SPDYE5: variants seen among roughly 807,000 people sequenced by gnomAD.
The protein encoded by SPDYE5 is speedy/RINGO cell cycle regulator family member E5.
Under a neutral mutation model 48.5 loss-of-function variants are expected in SPDYE5, and 15 were observed. That is an observed-to-expected ratio of 0.31 (90% CI 0.21 to 0.48). SPDYE5 has a LOEUF of 0.48. Ranked by LOEUF, SPDYE5 falls within the 20% of genes least tolerant of loss-of-function variation. The probability of loss-of-function intolerance (pLI) is 0.99; values close to 1 mark genes in which losing one functional copy is unlikely to be tolerated. For synonymous variants in SPDYE5, 116 were observed against 200.7 expected (o/e 0.58, Z 3.57); for missense variants, 331 against 549.1 (o/e 0.60, Z 3.97).
intron 6 of SPDYE5, among the ~76,000 whole-genome samples, chr7:75,500,737 C>T (rs1554483293): frequency 6.6e-6 from 1 of 152,174 alleles, no homozygotes; most frequent in Non-Finnish European, 1.5e-5. Flanking sequence ...GAGATAGAGT[C>T]TTGCTCTGCC....
chr7:75,500,874 A>G (rs1410625756), intron 6 of SPDYE5, among the ~76,000 whole-genome samples: 1 of 151,870 alleles, frequency 6.6e-6, no homozygotes, highest in Non-Finnish European at 1.5e-5. Context: ...CACCAGGCTG[A>G]TTTTTGTATT....
Position 75,504,254 on chromosome 7 carries a change from A to G in SPDYE5, c.*1467A>G, listed in dbSNP as rs1554484040. The G allele has an allele frequency of 2.0e-5, 3 of 151,926 alleles. No homozygotes were observed. The allele number at this position is 151,926 out of a possible 1,614,324, so 9.4% of individuals were successfully genotyped here. On this transcript the variant is annotated 3_prime_UTR_variant, in exon 9 of 9. Transcript: ENST00000625065. ...AGCTGTGTGTTTTCAAGAGAACAAT[A>G]GAGTGCGTCTCTTGGGGAAACATAA...
At chr7:75,494,519 A>ACC (rs1792853451) in intron 2 of SPDYE5, among the ~76,000 whole-genome samples, 1 of 137,084 alleles carries the variant, frequency 7.3e-6, no homozygotes, top group East Asian at 2.0e-4. Flanking sequence ...TGCACTCCAA[A>ACC]AAAAAAAAAA....
chr7:75,504,029 G>T lies in SPDYE5; in HGVS notation c.*1242G>T, dbSNP rs1354089181. 7.9e-5 allele frequency: 12 copies of T among 151,874 alleles called. No homozygotes were observed. The highest frequency in any genetic ancestry group is 7.9e-4 in the Admixed American group (12 of 15,238). The allele number at this position is 151,874 out of a possible 1,614,324, so 9.4% of individuals were successfully genotyped here. ...TACACGTGTTGCTGAAGGGAGCATG[G>T]TTTTTATCTGTGATACTTAGTTAAC... On this transcript the variant is annotated 3_prime_UTR_variant, in exon 9 of 9. Coordinates refer to ENST00000625065, the MANE Select transcript of SPDYE5 (RefSeq NM_001306141.4).
chr7:75,495,481 G>GCT, intron 3 of SPDYE5, 107 bp downstream of exon 3: 1 of 1,548,192 alleles, frequency 6.5e-7, no homozygotes. Context: ...CCGTGGGTGA[G>GCT]CTCTCCACGC....
At position 75,494,169 on chromosome 7, in the gene SPDYE5, T is replaced by C; in HGVS notation, c.122T>C (p.Leu41Pro). The C allele has an allele frequency of 1.3e-6, 2 of 1,534,908 alleles. No homozygotes were observed. The highest frequency in any genetic ancestry group is 1.7e-6 in the Non-Finnish European group (2 of 1,146,676). Residue 41 changes from leucine to proline, a missense_variant, in exon 2 of 9, where the codon CTC becomes CCC. By Grantham distance (98) the Leu-to-Pro change is moderately conservative (BLOSUM62 -3). Transcript: ENST00000625065. ...SPQRSTSGYP[L>P]QEVVDDEVLG... ...CAGCGGAGCACCTCGGGGTACCCCC[T>C]CCAGGAGGTGGTGGATGATGAAGTG... is the stretch of plus-strand genomic sequence containing the variant.
At chr7:75,500,899 G>C (rs1416765243) in intron 6 of SPDYE5, among the ~76,000 whole-genome samples, 1 of 152,060 alleles carries the variant, frequency 6.6e-6, no homozygotes, top group African/African-American at 2.4e-5. Flanking sequence ...GTAGAGATGG[G>C]GTTTCTCCGT....
rs1487815671 is a variant in SPDYE5 at position 75,502,980 on chromosome 7, C to T, written c.*193C>T. The stretch of plus-strand genomic sequence containing the variant: ...TTGATGGAGCTGAATACAGTGATCA[C>T]GTTGTCCTCCTAGGAGCAGGGGTGG... On this transcript the variant is annotated 3_prime_UTR_variant, in exon 9 of 9. Coordinates refer to ENST00000625065, the MANE Select transcript of SPDYE5 (RefSeq NM_001306141.4). The T allele has an allele frequency of 1.9e-4, 100 of 518,332 alleles. No individual in the cohort carries two copies. Among genetic ancestry groups the T allele is most frequent in the South Asian group, 6.4e-4 (44 of 68,894 alleles). The allele number at this position is 518,332 out of a possible 1,614,324, so 32.1% of individuals were successfully genotyped here.
Position 75,501,433 on chromosome 7 carries a change from A to G in SPDYE5, c.827A>G (p.Lys276Arg). 1 of 1,612,796 alleles carries G rather than the reference A, an allele frequency of 6.2e-7. No individual in the cohort carries two copies. The highest frequency in any genetic ancestry group is 2.2e-5 in the East Asian group (1 of 44,850). The change falls in exon 7 of 9, where the codon AAG (lysine) becomes AGG (arginine). Residue 276 changes from lysine (K) to arginine (R), a missense_variant. Lys to Arg is a conservative substitution (Grantham distance 26, BLOSUM62 2). This residue lies in a region of SPDYE5 where 70 missense variants were observed against 87.6 expected (regional missense o/e 0.80). Coordinates refer to ENST00000625065, the MANE Select transcript of SPDYE5 (RefSeq NM_001306141.4). ...KQNIFHFLYG[K>R]NRSRIPLLRK... ...AACATCTTCCACTTCCTGTATGGGA[A>G]GAACCGCTCTCGCATACCCTTGCTC... is the stretch of plus-strand genomic sequence containing the variant.
intron 1 of SPDYE5, among the ~76,000 whole-genome samples, chr7:75,492,917 C>G (rs1792789094): frequency 6.6e-6 from 1 of 152,304 alleles, no homozygotes; most frequent in Middle Eastern, 3.4e-3. Flanking sequence ...TGTCACGAGT[C>G]TCCCAAGTAG....
intron 4 of SPDYE5, among the ~76,000 whole-genome samples, chr7:75,497,117 TG>T (rs1401010682): frequency 2.0e-5 from 3 of 152,066 alleles, no homozygotes; most frequent in Non-Finnish European, 4.4e-5. Flanking sequence ...TAAGAAAGCT[TG>T]GTTTCGGGCC....
intron 4 of SPDYE5, 108 bp downstream of exon 4, chr7:75,497,012 TCTCCA>T (rs1792958399): frequency 1.2e-6 from 1 of 801,100 alleles, no homozygotes; most frequent in Non-Finnish European, 2.0e-6. Context: ...GTGGGTGAGC[TCTCCA>T]TGTGGGAGGA....
At chr7:75,493,164 G>A (rs1221012702) in intron 1 of SPDYE5, among the ~76,000 whole-genome samples, 3 of 151,688 alleles carry the variant, frequency 2.0e-5, no homozygotes, top group African/African-American at 7.3e-5. Flanking sequence ...ATAAATGGAA[G>A]GGAAATTTCT....
chr7:75,501,078 C>T (rs1793133122), intron 6 of SPDYE5, among the ~76,000 whole-genome samples: 2 of 152,206 alleles, frequency 1.3e-5, no homozygotes, highest in South Asian at 4.1e-4. Flanking sequence ...CTCCTGGCCT[C>T]AAGTGATCCT....
intron 5 of SPDYE5, among the ~76,000 whole-genome samples, chr7:75,498,403 C>T (rs1316907617): frequency 2.6e-5 from 4 of 151,930 alleles, no homozygotes; most frequent in Admixed American, 6.6e-5. Flanking sequence ...AGATTATAGA[C>T]GTCAGCCACT....
upstream of SPDYE5, among the ~76,000 whole-genome samples, chr7:75,491,941 C>T (rs1158731626): frequency 1.3e-5 from 2 of 151,796 alleles, no homozygotes; most frequent in Non-Finnish European, 2.9e-5. Flanking sequence ...TCTCGAACTT[C>T]TGACCTCTGG....
At chr7:75,499,476 A>G (rs1293342596) in intron 6 of SPDYE5, among the ~76,000 whole-genome samples, 160 bp downstream of exon 6, 1 of 151,906 alleles carries the variant, frequency 6.6e-6, no homozygotes, top group Non-Finnish European at 1.5e-5. Context: ...GTTTCTAAAC[A>G]GAAACTCAGG....
chr7:75,498,998 C>T (rs1480898110), intron 5 of SPDYE5, among the ~76,000 whole-genome samples: 2 of 146,956 alleles, frequency 1.4e-5, no homozygotes, highest in East Asian at 2.3e-4. Flanking sequence ...AAGATCCCAT[C>T]GGAGCCCACC....
At chr7:75,499,973 G>A (rs1400403106) in intron 6 of SPDYE5, among the ~76,000 whole-genome samples, 1 of 134,176 alleles carries the variant, frequency 7.5e-6, no homozygotes, top group African/African-American at 2.8e-5. Context: ...AAACGCCATC[G>A]ACCTCCTCTG....
Sources: allele counts gnomAD v4.1 joint callset (sites outside exome capture counted in the v4.1 genomes callset), GRCh38; gene constraint gnomAD v4.1.1; regional missense constraint gnomAD v4.1.1; transcripts MANE v1.5; gene names NCBI Gene and HGNC (gene_info 2026-07-23, HGNC 2026-07-21).